CADPS: variants seen among roughly 807,000 people sequenced by gnomAD.
CADPS encodes the protein calcium dependent secretion activator.
CADPS carries 57 observed loss-of-function variants against 167.3 expected under a neutral mutation model. That is an observed-to-expected ratio of 0.34 (90% CI 0.28 to 0.42). The LOEUF (loss-of-function observed/expected upper bound fraction) is 0.42, where lower values mean the gene tolerates loss of function less well. CADPS is among the 20% of genes least tolerant of loss of function. The probability of loss-of-function intolerance (pLI) is 1.00; values close to 1 mark genes in which losing one functional copy is unlikely to be tolerated. For missense variants in CADPS, 1,414 were observed against 1,738.1 expected, an observed-to-expected ratio of 0.81 and a Z score of 3.32; for synonymous variants, 676 against 635.3, an observed-to-expected ratio of 1.06 and a Z score of -0.96.
chr3:62,648,557 C>T (rs2069132393), intron 5 of CADPS, among the ~76,000 whole-genome samples: 1 of 151,580 alleles, frequency 6.6e-6, no homozygotes, highest in Non-Finnish European at 1.5e-5. Context: ...TGGTGTGCAC[C>T]TGTAGTCCCA....
intron 6 of CADPS, among the ~76,000 whole-genome samples, chr3:62,614,318 CT>C (rs2061937321): frequency 6.6e-6 from 1 of 152,188 alleles, no homozygotes; most frequent in Admixed American, 6.5e-5. Flanking sequence ...GACCCTCCCC[CT>C]GTCCCCATCT....
intron 6 of CADPS, among the ~76,000 whole-genome samples, chr3:62,636,987 G>C (rs1308606744): frequency 6.6e-6 from 1 of 152,118 alleles, no homozygotes; most frequent in African/African-American, 2.4e-5. Flanking sequence ...GTAGGATTTG[G>C]GGGCAGGCTT....
intron 5 of CADPS, among the ~76,000 whole-genome samples, chr3:62,649,965 G>A (rs62242513): frequency 0.14 from 21,771 of 152,018 alleles, 1,753 homozygotes; most frequent in Middle Eastern, 0.23. Flanking sequence ...ACCCCATTTT[G>A]TCGATCCATT....
intron 18 of CADPS, among the ~76,000 whole-genome samples, chr3:62,496,832 G>T (rs2064888677): frequency 6.6e-6 from 1 of 152,168 alleles, no homozygotes; most frequent in Non-Finnish European, 1.5e-5. Context: ...TTGCCTCAGT[G>T]CTCAGAAGAT....
chr3:62,545,002 A>T (rs776631053), intron 11 of CADPS: 2 of 293,862 alleles, frequency 6.8e-6, no homozygotes, highest in Non-Finnish European at 1.1e-5. Flanking sequence ...CTTAAACAAA[A>T]CAAAACAAAA....
rs1316128633 is a variant in CADPS at position 62,592,717 on chromosome 3, G to A, written c.1357C>T (p.His453Tyr). 1.9e-6 allele frequency: 3 copies of A among 1,614,020 alleles called. No individual in the cohort carries two copies. Among genetic ancestry groups the A allele is most frequent in the Non-Finnish European group, 8.5e-7 (1 of 1,179,982 alleles). ...TTCACCTTCACAGCTGGCAGTGCAT[G>A]GGTTGTGGAGAAGTCACCCTGGGTG... Reference protein sequence around the residue: ...WGTQGDFSTTHALPAVKVKLF... With the variant: ...WGTQGDFSTTYALPAVKVKLF... The change falls in exon 7 of 30, where the codon CAT becomes TAT. Residue 453 changes from histidine (H) to tyrosine (Y), a missense_variant. His to Tyr is a moderately conservative substitution (Grantham distance 83). This residue lies in a region of CADPS where 157 missense variants were observed against 229.4 expected (regional missense o/e 0.68). Transcript: ENST00000383710.
chr3:62,555,238 CT>C (rs138304210), intron 10 of CADPS, among the ~76,000 whole-genome samples: 5,401 of 152,258 alleles, frequency 0.035, 111 homozygotes, highest in Non-Finnish European at 0.044. Context: ...CCATTTACAT[CT>C]TTCGTATAGA....
Position 62,552,302 on chromosome 3 carries a change from A to T in CADPS, c.1754-2187T>A, listed in dbSNP as rs545262415. Among the ~76,000 whole-genome samples, 18 of 151,928 alleles carry T rather than the reference A, an allele frequency of 1.2e-4. No homozygotes were observed. In the South Asian group the frequency reaches 2.9e-3, roughly 25 times the overall value. On this transcript the variant is annotated intron_variant, in intron 10 of 29. Transcript: ENST00000383710. Reference sequence around the variant, plus strand: ...TAAATGACGAGTTAATGGGTGCAGCACACCAACATGGCACATGTATACATA... The same window carrying T: ...TAAATGACGAGTTAATGGGTGCAGCTCACCAACATGGCACATGTATACATA...
intron 3 of CADPS, among the ~76,000 whole-genome samples, chr3:62,725,452 T>A (rs184103051): frequency 6.6e-6 from 1 of 152,192 alleles, no homozygotes; most frequent in African/African-American, 2.4e-5. Flanking sequence ...AAGGAAAAGT[T>A]AGTATAGCAG....
intron 6 of CADPS, among the ~76,000 whole-genome samples, chr3:62,612,736 C>T (rs1389829923): frequency 1.3e-5 from 2 of 152,190 alleles, no homozygotes; most frequent in Non-Finnish European, 2.9e-5. Context: ...GATTGGACAG[C>T]TGTCCTTGCT....
chr3:62,402,101 G>A (rs900858684), intron 29 of CADPS, among the ~76,000 whole-genome samples: 2 of 152,064 alleles, frequency 1.3e-5, no homozygotes, highest in Admixed American at 6.6e-5. Flanking sequence ...TTTCCCGGGT[G>A]GATGCTTTGT....
At chr3:62,706,172 C>T (rs1252056050) in intron 3 of CADPS, among the ~76,000 whole-genome samples, 1 of 152,094 alleles carries the variant, frequency 6.6e-6, no homozygotes, top group Admixed American at 6.5e-5. Context: ...CAGAACATTG[C>T]TTCCTTTAGA....
intron 4 of CADPS, among the ~76,000 whole-genome samples, chr3:62,661,776 A>G (rs1406726009): frequency 6.6e-6 from 1 of 152,116 alleles, no homozygotes; most frequent in Admixed American, 6.5e-5. Context: ...GGATCAAAGC[A>G]CCAGTAGTAG....
At chr3:62,535,065 C>T (rs2074413542) in intron 12 of CADPS, among the ~76,000 whole-genome samples, 1 of 151,632 alleles carries the variant, frequency 6.6e-6, no homozygotes, top group Non-Finnish European at 1.5e-5. Flanking sequence ...AAAAAAATTC[C>T]TTAAGGGAAT....
chr3:62,442,694 A>C (rs574317377), intron 27 of CADPS, among the ~76,000 whole-genome samples: 15 of 152,250 alleles, frequency 9.9e-5, no homozygotes, highest in African/African-American at 3.4e-4. Flanking sequence ...AACCAGTGCT[A>C]GCTACTCTAC....
chr3:62,583,738 C>T (rs2083960961), intron 8 of CADPS, among the ~76,000 whole-genome samples: 1 of 150,500 alleles, frequency 6.6e-6, no homozygotes, highest in Admixed American at 6.7e-5. Flanking sequence ...CTCTCTGGTG[C>T]CCTGACTGGT....
intron 8 of CADPS, among the ~76,000 whole-genome samples, chr3:62,571,255 T>C (rs909356346): frequency 6.6e-6 from 1 of 152,158 alleles, no homozygotes; most frequent in African/African-American, 2.4e-5. Context: ...CTGAAAGACA[T>C]TGCACAGGAA....
chr3:62,840,954 G>A (rs185823554), intron 1 of CADPS, among the ~76,000 whole-genome samples: 3 of 152,256 alleles, frequency 2.0e-5, no homozygotes, highest in Admixed American at 6.5e-5. Context: ...TTGGAATCCT[G>A]TCTTGTCGTA....
chr3:62,573,650 G>T (rs1269747292), intron 8 of CADPS, among the ~76,000 whole-genome samples: 1 of 152,102 alleles, frequency 6.6e-6, no homozygotes, highest in Non-Finnish European at 1.5e-5. Flanking sequence ...AACCTATGCT[G>T]CCTGGGATGC....
Sources: allele counts gnomAD v4.1 joint callset (sites outside exome capture counted in the v4.1 genomes callset), GRCh38; gene constraint gnomAD v4.1.1; regional missense constraint gnomAD v4.1.1; transcripts MANE v1.5; gene names NCBI Gene and HGNC (gene_info 2026-07-23, HGNC 2026-07-21).